The following ANKIB1 variants were observed in gnomAD, a reference collection of about 807,000 sequenced individuals.
ANKIB1 encodes ankyrin repeat and IBR domain containing 1.
ANKIB1 carries 43 observed loss-of-function variants against 122.1 expected under a neutral mutation model. That is an observed-to-expected ratio of 0.35 (90% CI 0.28 to 0.45). ANKIB1 has a LOEUF of 0.45. Ranked by LOEUF, ANKIB1 falls within the 20% of genes least tolerant of loss-of-function variation. The pLI is 1.00. For synonymous variants in ANKIB1, 390 were observed against 442.0 expected, an observed-to-expected ratio of 0.88 and a Z score of 1.48; for missense variants, 992 against 1,329.5, an observed-to-expected ratio of 0.75 and a Z score of 3.95.
intron 1 of ANKIB1, among the ~76,000 whole-genome samples, chr7:92,270,026 A>G (rs769681423): frequency 9.3e-5 from 14 of 150,926 alleles, no homozygotes; most frequent in Non-Finnish European, 1.3e-4. Context: ...TCATTGTTCA[A>G]TTCCCACCTA....
chr7:92,320,905 G>A (rs1802897489), intron 4 of ANKIB1, among the ~76,000 whole-genome samples: 1 of 152,010 alleles, frequency 6.6e-6, no homozygotes. Flanking sequence ...TATGTGATCT[G>A]ACCACTACCT....
intron 4 of ANKIB1, among the ~76,000 whole-genome samples, chr7:92,321,026 C>T (rs1054968711): frequency 2.0e-5 from 3 of 152,122 alleles, no homozygotes; most frequent in South Asian, 2.1e-4. Context: ...TCTGAAATCT[C>T]GCAGTTATTT....
intron 17 of ANKIB1, 111 bp downstream of exon 17, chr7:92,392,403 C>G (rs1804804791): frequency 1.1e-6 from 1 of 908,080 alleles, no homozygotes; most frequent in Non-Finnish European, 1.6e-6. Context: ...AGTGCTGTCT[C>G]TTTCTTTTGT....
chr7:92,274,414 G>T (rs1801857035), intron 1 of ANKIB1, among the ~76,000 whole-genome samples: 1 of 152,024 alleles, frequency 6.6e-6, no homozygotes. Flanking sequence ...ACTGTAATAA[G>T]GTATATGAGT....
At chr7:92,378,644 A>G (rs1357998063) in intron 11 of ANKIB1, among the ~76,000 whole-genome samples, 2 of 152,276 alleles carry the variant, frequency 1.3e-5, no homozygotes, top group African/African-American at 2.4e-5. Context: ...CAAGATGAAG[A>G]TATTTTTCAT....
chr7:92,264,231 G>C (rs1435990075), intron 1 of ANKIB1, among the ~76,000 whole-genome samples: 1 of 149,888 alleles, frequency 6.7e-6, no homozygotes, highest in Non-Finnish European at 1.5e-5. Flanking sequence ...GATTGTAGCA[G>C]AGGGAAAACC....
chr7:92,399,063 A>G lies in ANKIB1; in HGVS notation c.*114A>G, dbSNP rs1274310515. The G allele has an allele frequency of 6.6e-6, 8 of 1,208,204 alleles. No individual in the cohort carries two copies. The highest frequency in any genetic ancestry group is 7.7e-6 in the Non-Finnish European group (7 of 905,646). 74.8% of individuals were successfully genotyped at this position (1,208,204 alleles called of 1,614,324 possible). A position where few individuals can be genotyped will look rare whatever the true frequency, so the allele number is the denominator to read the frequency against. On this transcript the variant is annotated 3_prime_UTR_variant, in exon 20 of 20. Coordinates refer to ENST00000265742, the MANE Select transcript of ANKIB1 (RefSeq NM_019004.2). ...TCCAACTCAGTGATAAACCACTGACATTAGGGTTGAATACAGAGAAGTTCC... is the reference window on the plus strand; with the variant it reads ...TCCAACTCAGTGATAAACCACTGACGTTAGGGTTGAATACAGAGAAGTTCC...
Position 92,399,233 on chromosome 7 carries a change from TC to T in ANKIB1, c.*285del, listed in dbSNP as rs1307334732. The T allele has an allele frequency of 1.3e-5, 3 of 224,308 alleles. No individual in the cohort carries two copies. Among genetic ancestry groups the T allele is most frequent in the Non-Finnish European group, 2.6e-5 (3 of 116,308 alleles). The allele number at this position is 224,308 out of a possible 1,614,324, so 13.9% of individuals were successfully genotyped here. On this transcript the variant is annotated 3_prime_UTR_variant, in exon 20 of 20. Transcript: ENST00000265742. The stretch of plus-strand genomic sequence containing the variant: ...GAAATAAATAAGTTGTATTCCACAC[TC>T]TAAGAAAATGCAGTCCTCTATTTAG...
intron 1 of ANKIB1, among the ~76,000 whole-genome samples, chr7:92,261,336 G>A (rs1297117950): frequency 4.9e-5 from 7 of 143,362 alleles, no homozygotes; most frequent in Non-Finnish European, 9.0e-5. Context: ...GCGACAGAGC[G>A]AGACTCCGTC....
At chr7:92,315,506 A>G (rs1324867454) in intron 3 of ANKIB1, among the ~76,000 whole-genome samples, 1 of 152,236 alleles carries the variant, frequency 6.6e-6, no homozygotes, top group Non-Finnish European at 1.5e-5. Flanking sequence ...AAGTCACAGC[A>G]TCAATTTGAA....
chr7:92,337,092 A>G lies in ANKIB1; in HGVS notation c.788-5932A>G, dbSNP rs1049811131. Among the ~76,000 whole-genome samples the G allele has an allele frequency of 2.2e-4, 33 of 152,320 alleles. 1 individual carries two copies. Among genetic ancestry groups the G allele is most frequent in the South Asian group, 6.2e-4 (3 of 4,826 alleles). On this transcript the variant is annotated intron_variant, in intron 5 of 19. Transcript: ENST00000265742. The stretch of plus-strand genomic sequence containing the variant: ...TTTAATTACATTGGCTAGCACTCCT[A>G]TGTAACATTATAAGTGATGCTTATT...
intron 1 of ANKIB1, among the ~76,000 whole-genome samples, chr7:92,289,671 G>T (rs762938386): frequency 6.6e-6 from 1 of 152,192 alleles, no homozygotes; most frequent in Non-Finnish European, 1.5e-5. Flanking sequence ...TGATTCTGAT[G>T]CACAGGGACA....
At chr7:92,338,925 AAAAAAAAAATATATATATATATAT>A (rs1314957210) in intron 5 of ANKIB1, among the ~76,000 whole-genome samples, 3 of 59,204 alleles carry the variant, frequency 5.1e-5, no homozygotes, top group African/African-American at 2.0e-4. Context: ...AAAAAAAAAA[AAAAAAAAAATATATATATATATAT>A]ATATATATAT....
chr7:92,356,490 T>C (rs1440069064), intron 9 of ANKIB1, among the ~76,000 whole-genome samples: 1 of 152,214 alleles, frequency 6.6e-6, no homozygotes. Flanking sequence ...TATTTAAATA[T>C]CATGTGTACT....
chr7:92,307,724 GTT>G (rs201863693), intron 3 of ANKIB1, 68 bp downstream of exon 3: 822 of 928,128 alleles, frequency 8.9e-4, no homozygotes, highest in South Asian at 1.5e-3. Flanking sequence ...TAACTGTCAG[GTT>G]TTTTTTTTTT....
chr7:92,282,215 G>A (rs1012403711), intron 1 of ANKIB1, among the ~76,000 whole-genome samples: 9 of 151,948 alleles, frequency 5.9e-5, no homozygotes, highest in Admixed American at 3.9e-4. Flanking sequence ...GTTGAGTGGC[G>A]CCATCTCGGT....
At chr7:92,338,899 G>A (rs1393914702) in intron 5 of ANKIB1, among the ~76,000 whole-genome samples, 2 of 79,744 alleles carry the variant, frequency 2.5e-5, no homozygotes, top group African/African-American at 1.0e-4. Context: ...GCGACAGAGT[G>A]AGACTCCATC....
At chr7:92,256,715 A>G (rs1801456038) in intron 1 of ANKIB1, among the ~76,000 whole-genome samples, 1 of 152,226 alleles carries the variant, frequency 6.6e-6, no homozygotes, top group African/African-American at 2.4e-5. Context: ...GGCACTTATT[A>G]CCACTTGATT....
intron 11 of ANKIB1, among the ~76,000 whole-genome samples, chr7:92,384,915 A>G (rs1427922645): frequency 6.6e-6 from 1 of 152,234 alleles, no homozygotes; most frequent in Non-Finnish European, 1.5e-5. Flanking sequence ...GAGTTTCTGC[A>G]TAGCAAAAGA....
Sources: gnomAD v4.1 joint callset for allele counts (sites outside exome capture counted in the v4.1 genomes callset) on GRCh38, gnomAD v4.1.1 for gene constraint, MANE v1.5 for transcripts, NCBI Gene and HGNC (gene_info 2026-07-23, HGNC 2026-07-21) for gene names.